Variants in SOX6 observed in about 807,000 individuals in gnomAD.
SOX6 encodes SRY-box transcription factor 6, also known as transcription factor SOX-6.
In SOX6, 11 loss-of-function variants were observed where a neutral mutation model predicts 97.8. The observed-to-expected ratio is 0.11, with a 90% CI of 0.07 to 0.19. The LOEUF (loss-of-function observed/expected upper bound fraction) is 0.19, where lower values mean the gene tolerates loss of function less well. SOX6 is among the 10% of genes least tolerant of loss of function. SOX6 has a pLI of 1.00. For missense variants in SOX6, 810 were observed against 1,039.5 expected (o/e 0.78, Z 3.04); for synonymous variants, 360 against 371.4 (o/e 0.97, Z 0.35).
At chr11:16,272,159 A>C (rs570809880) in intron 3 of SOX6, among the ~76,000 whole-genome samples, 1 of 151,556 alleles carries the variant, frequency 6.6e-6, no homozygotes, top group South Asian at 2.1e-4. Flanking sequence ...CTTTGATTTT[A>C]AATTGTGTTA....
At chr11:16,447,443 T>TTC (rs142888152) in intron 1 of SOX6, among the ~76,000 whole-genome samples, 5 of 150,166 alleles carry the variant, frequency 3.3e-5, no homozygotes, top group East Asian at 2.0e-4. Context: ...CTCCTTCGAT[T>TTC]TCTCTCTCTC....
intron 1 of SOX6, among the ~76,000 whole-genome samples, chr11:16,458,147 C>A (rs181128342): frequency 6.6e-6 from 1 of 151,590 alleles, no homozygotes; most frequent in African/African-American, 2.4e-5. Context: ...ATTTCCAAAC[C>A]ACCTCTCTTT....
intron 3 of SOX6, among the ~76,000 whole-genome samples, chr11:16,260,364 A>G (rs1194907732): frequency 1.3e-5 from 2 of 152,104 alleles, no homozygotes; most frequent in Non-Finnish European, 2.9e-5. Context: ...TAAGTAATAT[A>G]TGTTATATTG....
chr11:16,384,421 T>C (rs776558097), intron 1 of SOX6, among the ~76,000 whole-genome samples: 2 of 151,876 alleles, frequency 1.3e-5, no homozygotes, highest in Non-Finnish European at 2.9e-5. Context: ...AAAATTTGAT[T>C]AGTTGTTGCA....
At chr11:16,625,537 T>G (rs894803518) in intron 3 of SOX6, among the ~76,000 whole-genome samples, 1 of 152,176 alleles carries the variant, frequency 6.6e-6, no homozygotes, top group African/African-American at 2.4e-5. Flanking sequence ...GAGAGGAGCA[T>G]CTTTTGTTCT....
chr11:16,709,791 A>C (rs1244162954), intron 3 of SOX6, among the ~76,000 whole-genome samples: 1 of 152,226 alleles, frequency 6.6e-6, no homozygotes, highest in African/African-American at 2.4e-5. Context: ...AGTTCATTTG[A>C]AGCCAAGATA....
At chr11:15,988,033 A>G (rs1336428292) in intron 14 of SOX6, among the ~76,000 whole-genome samples, 2 of 152,214 alleles carry the variant, frequency 1.3e-5, no homozygotes, top group Non-Finnish European at 2.9e-5. Context: ...GATCACTGAT[A>G]TTTACTCAGG....
intron 4 of SOX6, among the ~76,000 whole-genome samples, chr11:16,489,878 T>C (rs1345809752): frequency 6.6e-6 from 1 of 152,104 alleles, no homozygotes; most frequent in East Asian, 1.9e-4. Flanking sequence ...CTTCAAACCC[T>C]GGTTCTGACA....
intron 6 of SOX6, among the ~76,000 whole-genome samples, chr11:16,114,414 C>T (rs1849299326): frequency 6.6e-6 from 1 of 152,084 alleles, no homozygotes; most frequent in African/African-American, 2.4e-5. Context: ...ATTGTGAGGA[C>T]CAAATAGACA....
At chr11:16,394,333 C>G (rs1462226214) in intron 1 of SOX6, among the ~76,000 whole-genome samples, 9 of 151,812 alleles carry the variant, frequency 5.9e-5, no homozygotes, top group Admixed American at 2.0e-4. Flanking sequence ...TTAATAATGG[C>G]ACTTTCTATG....
At chr11:16,530,049 C>T (rs1027416966) in intron 4 of SOX6, among the ~76,000 whole-genome samples, 10 of 151,840 alleles carry the variant, frequency 6.6e-5, no homozygotes, top group Non-Finnish European at 1.3e-4. Flanking sequence ...ATTGTATAAA[C>T]AAGGACTGGA....
intron 9 of SOX6, among the ~76,000 whole-genome samples, chr11:16,074,540 T>C (rs1465929622): frequency 6.6e-6 from 1 of 152,152 alleles, no homozygotes; most frequent in Non-Finnish European, 1.5e-5. Context: ...GCGCCATTTC[T>C]ACTGAAACTA....
chr11:16,031,161 A>G (rs1408751751), intron 12 of SOX6, among the ~76,000 whole-genome samples: 1 of 152,324 alleles, frequency 6.6e-6, no homozygotes, highest in Middle Eastern at 3.4e-3. Flanking sequence ...GTAGGCCTAG[A>G]AGACAGATCT....
chr11:16,465,428 T>C (rs187366605), intron 1 of SOX6, among the ~76,000 whole-genome samples: 1 of 152,314 alleles, frequency 6.6e-6, no homozygotes, highest in East Asian at 1.9e-4. Context: ...TCCATTCTGA[T>C]TAATGATTCT....
At chr11:16,286,782 ATAG>A (rs1299325215) in intron 3 of SOX6, among the ~76,000 whole-genome samples, 4 of 152,290 alleles carry the variant, frequency 2.6e-5, no homozygotes, top group Non-Finnish European at 2.9e-5. Context: ...CTGTTAAATA[ATAG>A]TAGCAGAAAT....
At chr11:16,710,241 T>C (rs1434897272) in intron 3 of SOX6, among the ~76,000 whole-genome samples, 2 of 152,188 alleles carry the variant, frequency 1.3e-5, no homozygotes, top group Non-Finnish European at 2.9e-5. Context: ...ATCATAAAAC[T>C]AGAGAAGAAA....
chr11:16,545,566 C>A (rs1388761250), intron 4 of SOX6, among the ~76,000 whole-genome samples: 1 of 152,202 alleles, frequency 6.6e-6, no homozygotes, highest in Admixed American at 6.5e-5. Context: ...AGGATGCCCA[C>A]TTTCACCACT....
chr11:16,721,388 C>T (rs1848259872), intron 2 of SOX6, among the ~76,000 whole-genome samples: 1 of 152,106 alleles, frequency 6.6e-6, no homozygotes, highest in Admixed American at 6.5e-5. Flanking sequence ...TTTTTTCTCC[C>T]CCAAGGGGGA....
intron 1 of SOX6, among the ~76,000 whole-genome samples, chr11:16,391,626 A>G (rs1047443300): frequency 6.6e-5 from 10 of 152,252 alleles, no homozygotes; most frequent in Non-Finnish European, 1.5e-4. Flanking sequence ...GTCAGTCAAC[A>G]CCTTCAACAG....
Sources: gnomAD v4.1 joint callset for allele counts (sites outside exome capture counted in the v4.1 genomes callset) on GRCh38, gnomAD v4.1.1 for gene constraint, MANE v1.5 for transcripts, NCBI Gene and HGNC (gene_info 2026-07-23, HGNC 2026-07-21) for gene names.